CFAP299: variants seen among roughly 807,000 people sequenced by gnomAD.
CFAP299 encodes the protein cilia- and flagella-associated protein 299.
A neutral mutation model predicts 27.0 loss-of-function variants in CFAP299; 21 were observed. That is an observed-to-expected ratio of 0.78 (90% CI 0.55 to 1.12). The LOEUF is 1.12. Ranked by LOEUF, CFAP299 falls within the 50% of genes most tolerant of loss-of-function variation. The pLI is 0.00. For synonymous variants in CFAP299, 104 were observed against 98.1 expected, an observed-to-expected ratio of 1.06 and a Z score of -0.36; for missense variants, 310 against 276.6, an observed-to-expected ratio of 1.12 and a Z score of -0.86.
intron 3 of CFAP299, among the ~76,000 whole-genome samples, chr4:80,598,977 A>C (rs1377502221): frequency 6.6e-6 from 1 of 152,192 alleles, no homozygotes; most frequent in Admixed American, 6.5e-5. Context: ...AGGAATACCC[A>C]AAAGATGGTA....
chr4:80,872,773 C>G, intron 4 of CFAP299: 1 of 358,414 alleles, frequency 2.8e-6, no homozygotes, highest in South Asian at 1.1e-4. Flanking sequence ...CTGTGAAGTA[C>G]CTATTAAGAT....
chr4:80,916,994 A>T (rs147802087), intron 4 of CFAP299, among the ~76,000 whole-genome samples: 108 of 152,260 alleles, frequency 7.1e-4, no homozygotes, highest in African/African-American at 2.5e-3. Flanking sequence ...AGAGCAAAAA[A>T]AGGGTCAATA....
At chr4:80,415,409 C>T (rs1200365161) in intron 2 of CFAP299, among the ~76,000 whole-genome samples, 4 of 152,122 alleles carry the variant, frequency 2.6e-5, no homozygotes. Flanking sequence ...ACAGTGTAGT[C>T]AAGTACTAAT....
intron 2 of CFAP299, among the ~76,000 whole-genome samples, chr4:80,477,732 C>T (rs1263376763): frequency 6.6e-6 from 1 of 152,214 alleles, no homozygotes; most frequent in Non-Finnish European, 1.5e-5. Context: ...AAAACTCTCT[C>T]ATAGTCTCTA....
At chr4:80,618,888 A>G (rs1181072221) in intron 3 of CFAP299, among the ~76,000 whole-genome samples, 2 of 152,086 alleles carry the variant, frequency 1.3e-5, no homozygotes, top group Non-Finnish European at 1.5e-5. Flanking sequence ...ATGCTTTCCA[A>G]TAATAGAAAT....
intron 2 of CFAP299, among the ~76,000 whole-genome samples, chr4:80,540,655 C>A (rs557185477): frequency 6.6e-6 from 1 of 152,018 alleles, no homozygotes; most frequent in Non-Finnish European, 1.5e-5. Flanking sequence ...GGATATCCAG[C>A]GTGTTTCTAC....
chr4:80,360,473 A>G (rs1335476712), intron 1 of CFAP299, among the ~76,000 whole-genome samples: 1 of 152,226 alleles, frequency 6.6e-6, no homozygotes, highest in African/African-American at 2.4e-5. Flanking sequence ...AGGAGCAAGG[A>G]TTGACAGCCT....
At chr4:80,648,446 C>A (rs995152680) in intron 3 of CFAP299, among the ~76,000 whole-genome samples, 1 of 152,114 alleles carries the variant, frequency 6.6e-6, no homozygotes, top group Non-Finnish European at 1.5e-5. Context: ...TGTTCTTTAA[C>A]AAACTCACTA....
intron 3 of CFAP299, among the ~76,000 whole-genome samples, chr4:80,862,797 T>A (rs757991425): frequency 2.0e-5 from 3 of 151,752 alleles, no homozygotes; most frequent in Middle Eastern, 3.4e-3. Context: ...GAAAATTATA[T>A]ATTTTATATA....
At position 80,956,784 on chromosome 4, in the gene CFAP299, T is replaced by C. The variant is rs111755994; in HGVS notation, c.607-6733T>C. 3.8e-3 allele frequency among the ~76,000 whole-genome samples: 579 copies of C among 152,244 alleles called. 8 individuals are homozygous for C. The highest frequency in any genetic ancestry group is 0.013 in the African/African-American group (554 of 41,554). ...ACAATTGTTATTGCTGTCTACCTACTTTCCTGTAGGTTTTTAATGGGAATT... is the reference window on the plus strand; with the variant it reads ...ACAATTGTTATTGCTGTCTACCTACCTTCCTGTAGGTTTTTAATGGGAATT... On this transcript the variant is annotated intron_variant, in intron 5 of 5. Coordinates refer to ENST00000358105, the MANE Select transcript of CFAP299 (RefSeq NM_152770.3).
intron 5 of CFAP299, among the ~76,000 whole-genome samples, chr4:80,950,838 T>C (rs1472967106): frequency 6.6e-6 from 1 of 152,120 alleles, no homozygotes; most frequent in African/African-American, 2.4e-5. Context: ...TCACAAGGGT[T>C]GAGACAAAGG....
intron 3 of CFAP299, among the ~76,000 whole-genome samples, chr4:80,849,134 T>C (rs959448403): frequency 2.6e-5 from 4 of 152,182 alleles, no homozygotes; most frequent in African/African-American, 9.6e-5. Flanking sequence ...ACATAAAATA[T>C]TTGTCTTTAT....
intron 2 of CFAP299, chr4:80,387,968 G>A (rs886540861): frequency 2.4e-5 from 18 of 757,748 alleles, no homozygotes; most frequent in African/African-American, 8.7e-5. Flanking sequence ...GTACACTGTG[G>A]GGGTGGGGTA....
At chr4:80,385,052 G>T (rs1258077538) in intron 2 of CFAP299, among the ~76,000 whole-genome samples, 1 of 152,116 alleles carries the variant, frequency 6.6e-6, no homozygotes, top group Non-Finnish European at 1.5e-5. Context: ...ATTAAATGAA[G>T]CTATTACATA....
intron 3 of CFAP299, among the ~76,000 whole-genome samples, chr4:80,614,645 C>G (rs1279126556): frequency 6.6e-6 from 1 of 152,150 alleles, no homozygotes; most frequent in African/African-American, 2.4e-5. Context: ...TGGGACAATG[C>G]TTTTTCATTC....
chr4:80,492,432 T>C (rs1158927341), intron 2 of CFAP299, among the ~76,000 whole-genome samples: 3 of 152,154 alleles, frequency 2.0e-5, no homozygotes, highest in Non-Finnish European at 4.4e-5. Flanking sequence ...TAAATAAACA[T>C]ATGATGGCTC....
intron 2 of CFAP299, among the ~76,000 whole-genome samples, chr4:80,499,701 G>T (rs1433966772): frequency 1.3e-5 from 2 of 151,980 alleles, no homozygotes; most frequent in South Asian, 4.1e-4. Context: ...AGATGGGTGG[G>T]TGCGTGCACA....
chr4:80,769,591 A>G (rs1162617215), intron 3 of CFAP299, among the ~76,000 whole-genome samples: 1 of 152,114 alleles, frequency 6.6e-6, no homozygotes, highest in Non-Finnish European at 1.5e-5. Context: ...ATGAGGTCTC[A>G]CTATGTTGCC....
At chr4:80,561,624 A>G (rs750837424) in intron 2 of CFAP299, among the ~76,000 whole-genome samples, 32 of 152,130 alleles carry the variant, frequency 2.1e-4, no homozygotes, top group Admixed American at 1.1e-3. Context: ...AATAAAAAGA[A>G]TCAAGCAGAA....
Sources: gnomAD v4.1 joint callset for allele counts (sites outside exome capture counted in the v4.1 genomes callset) on GRCh38, gnomAD v4.1.1 for gene constraint, MANE v1.5 for transcripts, NCBI Gene and HGNC (gene_info 2026-07-23, HGNC 2026-07-21) for gene names.